The following VWF variants were observed in gnomAD, a reference collection of about 807,000 sequenced individuals.
The protein encoded by VWF is Factor VIII related antigen.
VWF carries 176 observed loss-of-function variants against 308.6 expected under a neutral mutation model. The observed-to-expected ratio is 0.57, with a 90% CI of 0.50 to 0.65. The LOEUF is 0.65. Ranked by LOEUF, VWF falls within the 30% of genes least tolerant of loss-of-function variation. VWF has a pLI of 0.00. For missense variants in VWF, 3,146 were observed against 3,648.2 expected (o/e 0.86, Z 3.55); for synonymous variants, 1,385 against 1,443.4 (o/e 0.96, Z 0.92).
At chr12:6,042,070 G>A (rs751314316) in intron 18 of VWF, among the ~76,000 whole-genome samples, 2 of 152,142 alleles carry the variant, frequency 1.3e-5, no homozygotes, top group Non-Finnish European at 2.9e-5. Flanking sequence ...ACAGGAATTC[G>A]GTGTCTACGT....
At chr12:5,960,817 T>C (rs1943305377) in intron 47 of VWF, among the ~76,000 whole-genome samples, 1 of 152,150 alleles carries the variant, frequency 6.6e-6, no homozygotes, top group Non-Finnish European at 1.5e-5. Flanking sequence ...ACTAAAAAAA[T>C]AGATGAGAAC....
At chr12:5,973,776 G>A (rs1191050304) in intron 43 of VWF, among the ~76,000 whole-genome samples, 1 of 152,164 alleles carries the variant, frequency 6.6e-6, no homozygotes, top group Admixed American at 6.5e-5. Context: ...TGGCTTCTCA[G>A]AATACAGTTC....
At chr12:5,981,336 C>T (rs920702684) in intron 42 of VWF, among the ~76,000 whole-genome samples, 7 of 152,144 alleles carry the variant, frequency 4.6e-5, no homozygotes, top group African/African-American at 1.7e-4. Context: ...CAAGACCAGC[C>T]TAGGCAACAT....
intron 47 of VWF, among the ~76,000 whole-genome samples, chr12:5,964,238 A>ACATACATACATACATACATGCATG (rs1555189786): frequency 1.7e-4 from 23 of 138,636 alleles, no homozygotes; most frequent in African/African-American, 6.8e-4. Flanking sequence ...ATACATACAT[A>ACATACATACATACATACATGCATG]CATACATACA....
At chr12:5,975,212 C>T (rs568696203) in intron 43 of VWF, among the ~76,000 whole-genome samples, 7 of 152,330 alleles carry the variant, frequency 4.6e-5, no homozygotes, top group South Asian at 2.1e-4. Context: ...GGCCCTCCTC[C>T]GTCAAACCAT....
chr12:6,009,239 C>CA (rs4021588), intron 34 of VWF, among the ~76,000 whole-genome samples: 29,249 of 125,340 alleles, frequency 0.23, 3,165 homozygotes, highest in South Asian at 0.33. Context: ...AACTCAATAG[C>CA]AAAAAAAAAA....
At position 6,110,390 on chromosome 12, in the gene VWF, G is replaced by A; in HGVS notation, c.516C>T (p.Asp172=). The A allele has an allele frequency of 1.2e-6, 2 of 1,614,102 alleles. No individual in the cohort carries two copies. Among genetic ancestry groups the A allele is most frequent in the African/African-American group, 2.7e-5 (2 of 75,044 alleles). Residue 172 remains aspartate (D), a synonymous_variant, in exon 5 of 52, where the codon GAC becomes GAT. Coordinates refer to ENST00000261405, the MANE Select transcript of VWF (RefSeq NM_000552.5). ...CGNFNIFAED[D]FMTQEGTLTS... ...ACATCTTACCTTCTTGGGTCATAAA[G>A]TCATCTTCAGCAAAGATGTTAAAGT...
chr12:6,061,292 C>T (rs1944651758), intron 13 of VWF, among the ~76,000 whole-genome samples: 1 of 152,064 alleles, frequency 6.6e-6, no homozygotes, highest in South Asian at 2.1e-4. Flanking sequence ...GGTCAGGAAC[C>T]AGGAGACCCG....
At chr12:6,027,767 T>A (rs1185127729) in intron 22 of VWF, among the ~76,000 whole-genome samples, 1 of 151,632 alleles carries the variant, frequency 6.6e-6, no homozygotes, top group Non-Finnish European at 1.5e-5. Flanking sequence ...AACCATATGA[T>A]AATAAATGTG....
intron 40 of VWF, among the ~76,000 whole-genome samples, chr12:5,984,017 T>TAGATAGATAGATAGAC (rs60466769): frequency 4.8e-4 from 65 of 134,588 alleles, no homozygotes; most frequent in African/African-American, 1.9e-3. Flanking sequence ...GATAGATAGA[T>TAGATAGATAGATAGAC]AGACAGACAG....
intron 5 of VWF, among the ~76,000 whole-genome samples, chr12:6,096,792 G>A (rs1333038460): frequency 6.6e-6 from 1 of 152,210 alleles, no homozygotes; most frequent in Non-Finnish European, 1.5e-5. Flanking sequence ...TACAAAGGCA[G>A]TATGAGACTA....
intron 5 of VWF, among the ~76,000 whole-genome samples, chr12:6,108,330 T>TACACAC (rs1230831714): frequency 7.5e-4 from 38 of 50,460 alleles, no homozygotes; most frequent in African/African-American, 1.8e-3. Context: ...AAGAAAGAAA[T>TACACAC]ATATACACAC....
intron 20 of VWF, among the ~76,000 whole-genome samples, chr12:6,032,679 T>C (rs1016071906): frequency 5.9e-5 from 9 of 151,864 alleles, no homozygotes; most frequent in Admixed American, 5.9e-4. Flanking sequence ...TGAATCTTGA[T>C]TCTGCCACTT....
intron 19 of VWF, 47 bp downstream of exon 19, chr12:6,036,341 C>A: frequency 6.3e-7 from 1 of 1,583,700 alleles, no homozygotes. Context: ...ACCCTCACTC[C>A]ACCCGCAGGG....
At chr12:5,993,776 C>T in intron 37 of VWF, 86 bp downstream of exon 37, 1 of 1,260,990 alleles carries the variant, frequency 7.9e-7, no homozygotes, top group Non-Finnish European at 1.1e-6. Context: ...TCCTTATTAG[C>T]CAGATAAAGA....
At chr12:5,990,868 TAAAAAAAAAAAAAA>T (rs755717764) in intron 38 of VWF, among the ~76,000 whole-genome samples, 1,199 of 30,984 alleles carry the variant, frequency 0.039, 12 homozygotes, top group Admixed American at 0.047. Context: ...CCCATAGAGC[TAAAAAAAAAAAAAA>T]AAAAAAAAAA....
rs1945294399 is a variant in VWF at position 6,110,394 on chromosome 12, T to C, written c.512A>G (p.Asp171Gly). ...LCGNFNIFAE[D>G]DFMTQEGTLT... is the part of the protein sequence containing the mutation. ...CTTACCTTCTTGGGTCATAAAGTCA[T>C]CTTCAGCAAAGATGTTAAAGTTGCC... is the stretch of plus-strand genomic sequence containing the variant. Residue 171 changes from aspartate to glycine, a missense_variant, in exon 5 of 52, where the codon GAT becomes GGT. Asp to Gly is a moderately conservative substitution (Grantham distance 94). This residue lies in a region of VWF where 1,304 missense variants were observed against 1,353.0 expected (regional missense o/e 0.96). Coordinates refer to ENST00000261405, the MANE Select transcript of VWF (RefSeq NM_000552.5). 3 of 1,614,196 alleles carry C rather than the reference T, an allele frequency of 1.9e-6. No individual in the cohort carries two copies. The East Asian group carries it at 6.7e-5, about 36-fold the overall frequency.
intron 40 of VWF, 77 bp downstream of exon 40, chr12:5,984,968 C>A: frequency 2.0e-6 from 3 of 1,489,088 alleles, no homozygotes; most frequent in Non-Finnish European, 2.8e-6. Flanking sequence ...AACAGAGACA[C>A]CTTTCAGCAC....
At chr12:6,034,195 G>A (rs945800487) in intron 20 of VWF, among the ~76,000 whole-genome samples, 2 of 152,088 alleles carry the variant, frequency 1.3e-5, no homozygotes, top group Non-Finnish European at 2.9e-5. Flanking sequence ...CCATATCGTG[G>A]GAAGCAAACT....
Sources: allele counts gnomAD v4.1 joint callset (sites outside exome capture counted in the v4.1 genomes callset), GRCh38; gene constraint gnomAD v4.1.1; regional missense constraint gnomAD v4.1.1; transcripts MANE v1.5; gene names NCBI Gene and HGNC (gene_info 2026-07-23, HGNC 2026-07-21).